The following PCDHGA5 variants were observed in gnomAD, a reference collection of about 807,000 sequenced individuals.
The protein encoded by PCDHGA5 is protocadherin gamma-A5.
A neutral mutation model predicts 56.7 loss-of-function variants in PCDHGA5; 36 were observed. The ratio of observed to expected loss-of-function variants is 0.64; its 90% CI spans 0.49 to 0.84. The LOEUF is 0.84. Among genes scored for constraint, PCDHGA5 ranks in the 40% least tolerant of loss-of-function variants. The pLI is 0.00. For synonymous variants in PCDHGA5, 563 were observed against 520.2 expected, an observed-to-expected ratio of 1.08 and a Z score of -1.12; for missense variants, 1,305 against 1,201.5, an observed-to-expected ratio of 1.09 and a Z score of -1.27.
rs1035284319 is a variant in PCDHGA5, at chr5:141,368,926, G to C, written c.2421+2175G>C. Among the ~76,000 whole-genome samples, 16 of 152,178 alleles carry C rather than the reference G, an allele frequency of 1.1e-4. 2 individuals are homozygous for C. The highest frequency in any genetic ancestry group is 5.2e-4 in the Admixed American group (8 of 15,270). On this transcript the variant is annotated intron_variant, in intron 1 of 3. Transcript: ENST00000518069. Reference sequence around the variant, plus strand: ...TGTATAAAGGTGACAATGAGTGTCTGTCTAGAATTCTGGTTACTGTGAGTA... The same window carrying C: ...TGTATAAAGGTGACAATGAGTGTCTCTCTAGAATTCTGGTTACTGTGAGTA...
rs1242007246 is a variant in PCDHGA5, at chr5:141,366,161, G to T, written c.1831G>T (p.Ala611Ser). Residue 611 changes from alanine (A) to serine (S), a missense_variant, in exon 1 of 4, where the codon GCC becomes TCC. Transcript: ENST00000518069. ...CTGGCTGTCCTACCGCCTGCTTAAG[G>T]CCAGCGAGCCAGGACTCTTTGCGGT... Reference protein sequence around the residue: ...NAWLSYRLLKASEPGLFAVGL... With the variant: ...NAWLSYRLLKSSEPGLFAVGL... 6.2e-7 allele frequency: 1 copy of T among 1,613,974 alleles called. No individual in the cohort carries two copies. The highest frequency in any genetic ancestry group is 1.3e-5 in the African/African-American group (1 of 74,944).
chr5:141,510,568 G>C (rs2099881703), intron 3 of PCDHGA5, among the ~76,000 whole-genome samples: 1 of 152,100 alleles, frequency 6.6e-6, no homozygotes, highest in Non-Finnish European at 1.5e-5. Context: ...CATCTACCAG[G>C]CACTATTTTA....
chr5:141,408,555 A>G, intron 1 of PCDHGA5: 1 of 1,614,052 alleles, frequency 6.2e-7, no homozygotes, highest in South Asian at 1.1e-5. Flanking sequence ...AATATTTTTC[A>G]TGTCATTGTG....
chr5:141,388,289 A>T (rs1463991755), intron 1 of PCDHGA5: 14 of 1,613,522 alleles, frequency 8.7e-6, no homozygotes, highest in Non-Finnish European at 1.2e-5. Flanking sequence ...AATTCACGCA[A>T]AATTCCTTTG....
Position 141,375,419 on chromosome 5 carries a change from A to G in PCDHGA5, c.2421+8668A>G, listed in dbSNP as rs756318329. The G allele has an allele frequency of 1.9e-6, 3 of 1,613,982 alleles. No homozygotes were observed. The South Asian group carries it at 3.3e-5, about 18-fold the overall frequency. The stretch of plus-strand genomic sequence containing the variant: ...CATCTCTCTAAATGTGGCAGACACC[A>G]ACGACAACCCGCCCACCTTCCCCCA... On this transcript the variant is annotated intron_variant, in intron 1 of 3. Coordinates refer to ENST00000518069, the MANE Select transcript of PCDHGA5 (RefSeq NM_018918.3).
At chr5:141,507,531 C>T (rs1467914007) in intron 3 of PCDHGA5, among the ~76,000 whole-genome samples, 3 of 151,964 alleles carry the variant, frequency 2.0e-5, no homozygotes, top group African/African-American at 7.2e-5. Flanking sequence ...CCAGAGAGGC[C>T]AGAGACTGAG....
intron 1 of PCDHGA5, chr5:141,433,015 C>T (rs2154555449): frequency 2.5e-6 from 4 of 1,614,172 alleles, no homozygotes; most frequent in South Asian, 2.2e-5. Flanking sequence ...TCCTGCAGAC[C>T]TATTCCCACG....
chr5:141,422,838 C>G, intron 1 of PCDHGA5: 3 of 1,614,252 alleles, frequency 1.9e-6, no homozygotes, highest in African/African-American at 2.7e-5. Flanking sequence ...TAGCACGTGA[C>G]AGCGGGGACC....
intron 1 of PCDHGA5, chr5:141,371,983 T>C (rs1411843900): frequency 2.5e-6 from 4 of 1,613,106 alleles, no homozygotes; most frequent in Non-Finnish European, 3.4e-6. Flanking sequence ...GCCTTCGAGC[T>C]CACTCTGCAG....
chr5:141,394,619 C>T, intron 1 of PCDHGA5: 1 of 1,613,528 alleles, frequency 6.2e-7, no homozygotes, highest in Non-Finnish European at 8.5e-7. Flanking sequence ...GCCAGAACGC[C>T]TGGCTGTCCT....
At position 141,491,052 on chromosome 5, in the gene PCDHGA5, G is replaced by A. The variant is rs2099707642; in HGVS notation, c.2422-3755G>A. ...ATGCTGATGCAGGCCACAATGCGTG[G>A]CTCTCCTACTCACTGTTGCCACAGT... On this transcript the variant is annotated intron_variant, in intron 1 of 3. Transcript: ENST00000518069. The surrounding 1 kb of genome is among the most constrained non-coding windows in gnomAD (Gnocchi z 6.9). 3.1e-6 allele frequency: 5 copies of A among 1,614,038 alleles called. No individual in the cohort carries two copies. The highest frequency in any genetic ancestry group is 4.2e-6 in the Non-Finnish European group (5 of 1,180,032).
Position 141,485,757 on chromosome 5 carries a change from T to A in PCDHGA5, c.2422-9050T>A. The A allele has an allele frequency of 6.2e-7, 1 of 1,614,174 alleles. No homozygotes were observed. The highest frequency in any genetic ancestry group is 8.5e-7 in the Non-Finnish European group (1 of 1,180,028). The stretch of plus-strand genomic sequence containing the variant: ...GACGGCAGCCTGGTCCCAGAGCTGC[T>A]CCTGGAGAAGCCTTTGGATCGAGAG... On this transcript the variant is annotated intron_variant, in intron 1 of 3. Transcript: ENST00000518069. The surrounding 1 kb of genome is among the most constrained non-coding windows in gnomAD (Gnocchi z 5.7).
chr5:141,379,834 G>GA (rs199662644), intron 1 of PCDHGA5, among the ~76,000 whole-genome samples: 3,037 of 141,342 alleles, frequency 0.021, 48 homozygotes, highest in South Asian at 0.041. Flanking sequence ...GAAGCATCAG[G>GA]AAAAAAAACT....
chr5:141,448,511 A>C (rs2098593334), intron 1 of PCDHGA5, among the ~76,000 whole-genome samples: 1 of 152,076 alleles, frequency 6.6e-6, no homozygotes, highest in Admixed American at 6.6e-5. Context: ...ACATTTTATA[A>C]CTTTATTAAG....
chr5:141,394,807 C>G (rs943252788), intron 1 of PCDHGA5: 3 of 1,613,886 alleles, frequency 1.9e-6, no homozygotes, highest in African/African-American at 2.7e-5. Context: ...GTAGCCGTGG[C>G]TGACAGCATC....
intron 1 of PCDHGA5, chr5:141,375,317 C>T: frequency 1.2e-6 from 2 of 1,613,790 alleles, no homozygotes; most frequent in Non-Finnish European, 8.5e-7. Flanking sequence ...AGCTCTAGAC[C>T]GGGAAGAGGT....
rs1287277950 is a variant in PCDHGA5 at position 141,384,488 on chromosome 5, T to C, written c.2421+17737T>C. The C allele has an allele frequency of 2.5e-6, 4 of 1,614,104 alleles. No individual in the cohort carries two copies. In the East Asian group the frequency reaches 8.9e-5, roughly 36 times the overall value. The stretch of plus-strand genomic sequence containing the variant: ...TATGAGCAGTTGAGAGAACTACAAC[T>C]AAGAGTGACTGCACATGACAGCGGG... On this transcript the variant is annotated intron_variant, in intron 1 of 3. Transcript: ENST00000518069.
chr5:141,384,797 T>C (rs766396351), intron 1 of PCDHGA5: 13 of 1,613,368 alleles, frequency 8.1e-6, no homozygotes, highest in Non-Finnish European at 1.1e-5. Context: ...CGGGCCCTGC[T>C]GGACAGAGAT....
At chr5:141,481,220 C>T (rs896803040) in intron 1 of PCDHGA5, among the ~76,000 whole-genome samples, 1 of 152,130 alleles carries the variant, frequency 6.6e-6, no homozygotes, top group African/African-American at 2.4e-5. Context: ...GGTAAGGTCT[C>T]CCAGCCTTAA....
Sources: allele counts gnomAD v4.1 joint callset (sites outside exome capture counted in the v4.1 genomes callset), GRCh38; gene constraint gnomAD v4.1.1; non-coding constraint Gnocchi (gnomAD v3.1); transcripts MANE v1.5; gene names NCBI Gene and HGNC (gene_info 2026-07-23, HGNC 2026-07-21).